The following NPAS3 variants were observed in gnomAD, a reference collection of about 807,000 sequenced individuals.
The protein encoded by NPAS3 is neuronal PAS domain protein 3.
A neutral mutation model predicts 73.1 loss-of-function variants in NPAS3; 14 were observed. The ratio of observed to expected loss-of-function variants is 0.19; its 90% CI spans 0.13 to 0.30. The LOEUF (loss-of-function observed/expected upper bound fraction) is 0.30, where lower values mean the gene tolerates loss of function less well. Ranked by LOEUF, NPAS3 falls within the 10% of genes least tolerant of loss-of-function variation. The pLI is 1.00. For missense variants in NPAS3, 1,096 were observed against 1,250.0 expected, an observed-to-expected ratio of 0.88 and a Z score of 1.86; for synonymous variants, 620 against 541.5, an observed-to-expected ratio of 1.14 and a Z score of -2.01.
chr14:33,453,430 A>G (rs557046648), intron 4 of NPAS3, among the ~76,000 whole-genome samples: 1 of 152,286 alleles, frequency 6.6e-6, no homozygotes, highest in Admixed American at 6.5e-5. Context: ...CTAGTTTATA[A>G]AGGGCTTTGT....
At chr14:33,090,904 C>G (rs907463401) in intron 2 of NPAS3, among the ~76,000 whole-genome samples, 4 of 152,146 alleles carry the variant, frequency 2.6e-5, no homozygotes, top group African/African-American at 9.7e-5. Flanking sequence ...CTACTGGGTA[C>G]ATAACGAAAT....
intron 4 of NPAS3, among the ~76,000 whole-genome samples, chr14:33,506,086 C>G (rs758840927): frequency 6.6e-6 from 1 of 151,990 alleles, no homozygotes; most frequent in Non-Finnish European, 1.5e-5. Context: ...CCCTGCCACT[C>G]CCTATCCTCC....
At chr14:32,994,112 G>T (rs560941242) in intron 1 of NPAS3, among the ~76,000 whole-genome samples, 1 of 152,170 alleles carries the variant, frequency 6.6e-6, no homozygotes, top group Non-Finnish European at 1.5e-5. Context: ...GGTGTTTTCT[G>T]GGGGAGCTGG....
intron 6 of NPAS3, 116 bp from the exon 7 acceptor site, chr14:33,735,098 C>G (rs528593772): frequency 1.3e-6 from 1 of 746,994 alleles, no homozygotes; most frequent in Non-Finnish European, 2.4e-6. Context: ...TACTACTGCT[C>G]TTAGCACCCA....
At chr14:33,014,467 A>G (rs1048314297) in intron 1 of NPAS3, among the ~76,000 whole-genome samples, 12 of 152,176 alleles carry the variant, frequency 7.9e-5, no homozygotes, top group Non-Finnish European at 1.8e-4. Context: ...TATACCATTC[A>G]TTTGAACTAA....
At chr14:33,643,937 G>A (rs988514009) in intron 5 of NPAS3, among the ~76,000 whole-genome samples, 15 of 151,892 alleles carry the variant, frequency 9.9e-5, no homozygotes, top group African/African-American at 3.1e-4. Context: ...TCTTGTATAT[G>A]ATTGGTTCTG....
chr14:33,784,754 T>TTATTTA (rs1566538765), intron 9 of NPAS3, among the ~76,000 whole-genome samples: 1,529 of 124,344 alleles, frequency 0.012, 68 homozygotes, highest in African/African-American at 0.048. Flanking sequence ...TATTTTTTTT[T>TTATTTA]TTTTTTTTTT....
chr14:33,052,343 C>T (rs991035754), intron 1 of NPAS3, among the ~76,000 whole-genome samples: 3 of 152,030 alleles, frequency 2.0e-5, no homozygotes, highest in African/African-American at 4.8e-5. Flanking sequence ...AAATAACTAC[C>T]CTACCACCCC....
chr14:33,253,802 A>C (rs1444612721), intron 3 of NPAS3, among the ~76,000 whole-genome samples: 1 of 151,824 alleles, frequency 6.6e-6, no homozygotes, highest in Non-Finnish European at 1.5e-5. Context: ...CTGTACCCCT[A>C]CTTTAGATTT....
intron 3 of NPAS3, among the ~76,000 whole-genome samples, chr14:33,308,510 T>TTTTA (rs374327824): frequency 3.6e-5 from 3 of 83,534 alleles, no homozygotes; most frequent in East Asian, 3.4e-4. Flanking sequence ...ATTGCATAGT[T>TTTTA]TATATATATA....
At chr14:33,676,489 TTTAACAATTCCATGCA>T in intron 6 of NPAS3, 104 bp downstream of exon 6, 1 of 888,102 alleles carries the variant, frequency 1.1e-6, no homozygotes, top group Non-Finnish European at 1.6e-6. Flanking sequence ...TCTAAGGGTA[TTTAACAATTCCATGCA>T]GCTTCCAGTC....
chr14:33,680,182 T>C (rs550885603), intron 6 of NPAS3, among the ~76,000 whole-genome samples: 4 of 152,310 alleles, frequency 2.6e-5, no homozygotes, highest in Admixed American at 6.5e-5. Flanking sequence ...TTATGAGTAC[T>C]ATCCTCATCT....
intron 1 of NPAS3, among the ~76,000 whole-genome samples, chr14:32,978,116 G>A (rs1161295721): frequency 6.6e-6 from 1 of 152,068 alleles, no homozygotes; most frequent in Non-Finnish European, 1.5e-5. Context: ...AAGATGTGGG[G>A]GGGTGAGAAA....
chr14:33,109,952 G>T (rs1233622950), intron 2 of NPAS3, among the ~76,000 whole-genome samples: 4 of 150,868 alleles, frequency 2.7e-5, no homozygotes, highest in Admixed American at 1.3e-4. Flanking sequence ...ATAGGTGGAT[G>T]CCAATTTTAA....
intron 1 of NPAS3, among the ~76,000 whole-genome samples, chr14:32,989,683 A>C (rs1428153518): frequency 6.6e-6 from 1 of 152,074 alleles, no homozygotes; most frequent in East Asian, 1.9e-4. Flanking sequence ...AACAAAACAA[A>C]AAAAACCTTG....
chr14:33,785,367 G>A (rs1472648479), intron 9 of NPAS3, among the ~76,000 whole-genome samples: 2 of 149,380 alleles, frequency 1.3e-5, no homozygotes, highest in Non-Finnish European at 3.0e-5. Flanking sequence ...CCCGGGAGGT[G>A]GAGCTTGCAG....
chr14:33,131,434 G>A (rs1175091039), intron 2 of NPAS3, among the ~76,000 whole-genome samples: 4 of 3,156 alleles, frequency 1.3e-3, no homozygotes, highest in East Asian at 6.3e-3. Flanking sequence ...TGACTTCCAC[G>A]TGGTTAAGCA....
intron 4 of NPAS3, among the ~76,000 whole-genome samples, chr14:33,531,346 C>T (rs766368706): frequency 1.3e-5 from 2 of 152,036 alleles, no homozygotes; most frequent in South Asian, 2.1e-4. Flanking sequence ...TCCTTTGTGC[C>T]GTCACTTTGT....
rs1491151414 is a variant in NPAS3 at position 33,544,811 on chromosome 14, T to TA, written c.469-15310_469-15309insA. On this transcript the variant is annotated intron_variant, in intron 4 of 11. Coordinates refer to ENST00000356141, the Ensembl canonical transcript of NPAS3. ...TATTATATATATATATATATATATA[T>TA]GTATATATAATATATATGTGTATAT... 9.3e-3 allele frequency among the ~76,000 whole-genome samples: 881 copies of TA among 94,320 alleles called. 71 individuals are homozygous for TA. The highest frequency in any genetic ancestry group is 0.026 in the African/African-American group (496 of 19,294). The allele number at this position is 94,320 out of a possible 152,430, so 61.9% of individuals were successfully genotyped here. A position where few individuals can be genotyped will look rare whatever the true frequency, so the allele number is the denominator to read the frequency against.
Sources: allele counts gnomAD v4.1 joint callset (sites outside exome capture counted in the v4.1 genomes callset), GRCh38; gene constraint gnomAD v4.1.1; transcripts MANE v1.5; gene names NCBI Gene and HGNC (gene_info 2026-07-23, HGNC 2026-07-21).